Variants in PTPRR observed in about 807,000 individuals in gnomAD.
The protein encoded by PTPRR is protein tyrosine phosphatase receptor type R, also known as receptor-type tyrosine-protein phosphatase R.
In PTPRR, 38 loss-of-function variants were observed where a neutral mutation model predicts 77.2. That is an observed-to-expected ratio of 0.49 (90% CI 0.38 to 0.65). The LOEUF is 0.65. Ranked by LOEUF, PTPRR falls within the 30% of genes least tolerant of loss-of-function variation. PTPRR has a pLI of 0.00. For missense variants in PTPRR, 744 were observed against 799.2 expected (o/e 0.93, Z 0.83); for synonymous variants, 299 against 283.1 (o/e 1.06, Z -0.57).
intron 2 of PTPRR, among the ~76,000 whole-genome samples, chr12:70,850,774 G>A (rs1459201815): frequency 6.6e-6 from 1 of 152,158 alleles, no homozygotes; most frequent in Non-Finnish European, 1.5e-5. Flanking sequence ...CAGGCCCAAT[G>A]CAGAAAACAG....
chr12:70,838,366 AT>A (rs1892339973), intron 2 of PTPRR, among the ~76,000 whole-genome samples: 1 of 152,172 alleles, frequency 6.6e-6, no homozygotes, highest in African/African-American at 2.4e-5. Flanking sequence ...ACTGTTTAGC[AT>A]TAGTTTTATC....
intron 6 of PTPRR, among the ~76,000 whole-genome samples, chr12:70,726,476 C>A (rs909292803): frequency 6.6e-6 from 1 of 151,936 alleles, no homozygotes; most frequent in African/African-American, 2.4e-5. Flanking sequence ...AGTTTTGACT[C>A]TTATGAGTTA....
At chr12:70,844,856 T>C (rs921656385) in intron 2 of PTPRR, among the ~76,000 whole-genome samples, 9 of 152,134 alleles carry the variant, frequency 5.9e-5, no homozygotes, top group Admixed American at 5.9e-4. Flanking sequence ...AAAATACCAA[T>C]ATAGTATAAG....
chr12:70,785,123 A>G (rs1891295285), intron 2 of PTPRR, among the ~76,000 whole-genome samples: 1 of 152,218 alleles, frequency 6.6e-6, no homozygotes, highest in Non-Finnish European at 1.5e-5. Context: ...CCTTCACATT[A>G]TGGCTTCTGT....
intron 2 of PTPRR, among the ~76,000 whole-genome samples, chr12:70,833,721 C>G (rs535733300): frequency 6.6e-6 from 1 of 152,256 alleles, no homozygotes; most frequent in African/African-American, 2.4e-5. Flanking sequence ...AAGCGGGAAG[C>G]TCACCTTGTA....
chr12:70,917,437 C>T (rs1317041994), intron 1 of PTPRR, among the ~76,000 whole-genome samples: 1 of 152,120 alleles, frequency 6.6e-6, no homozygotes, highest in Non-Finnish European at 1.5e-5. Flanking sequence ...CATTTTCTCA[C>T]CTGTAAAATA....
intron 2 of PTPRR, among the ~76,000 whole-genome samples, chr12:70,765,993 C>T (rs1890812078): frequency 6.6e-6 from 1 of 152,106 alleles, no homozygotes; most frequent in Non-Finnish European, 1.5e-5. Context: ...GAAAGGACAT[C>T]CACACCAAAA....
chr12:70,875,194 T>A (rs574811963), intron 2 of PTPRR, among the ~76,000 whole-genome samples: 1 of 152,246 alleles, frequency 6.6e-6, no homozygotes, highest in South Asian at 2.1e-4. Flanking sequence ...TTTCCCTGGA[T>A]ATTACTGAGA....
intron 6 of PTPRR, among the ~76,000 whole-genome samples, chr12:70,738,322 G>C (rs1889939413): frequency 6.6e-6 from 1 of 152,052 alleles, no homozygotes; most frequent in African/African-American, 2.4e-5. Context: ...AACCCTTGGG[G>C]GCCTACTGAG....
intron 2 of PTPRR, among the ~76,000 whole-genome samples, chr12:70,811,802 G>T (rs887587366): frequency 6.6e-6 from 1 of 152,110 alleles, no homozygotes; most frequent in African/African-American, 2.4e-5. Flanking sequence ...ACTGGCCCAA[G>T]GTCAAATAGC....
At chr12:70,795,910 T>G (rs7302300) in intron 2 of PTPRR, among the ~76,000 whole-genome samples, 1 of 126,400 alleles carries the variant, frequency 7.9e-6, no homozygotes, top group African/African-American at 2.9e-5. Flanking sequence ...ATGTATTTAG[T>G]AGATTTTTTT....
intron 2 of PTPRR, among the ~76,000 whole-genome samples, chr12:70,860,513 T>C (rs758977125): frequency 8.4e-4 from 128 of 152,266 alleles, no homozygotes; most frequent in Middle Eastern, 3.4e-3. Context: ...TGTATTAGTA[T>C]GAAATAAACT....
intron 13 of PTPRR, among the ~76,000 whole-genome samples, chr12:70,641,671 A>C (rs148780836): frequency 1.3e-5 from 2 of 152,232 alleles, no homozygotes; most frequent in African/African-American, 4.8e-5. Context: ...AAAAACTGGC[A>C]TCAGAGGAAT....
intron 2 of PTPRR, among the ~76,000 whole-genome samples, chr12:70,765,612 C>A (rs1285101306): frequency 6.6e-6 from 1 of 152,202 alleles, no homozygotes; most frequent in Non-Finnish European, 1.5e-5. Context: ...ACAGCAGTAA[C>A]CTCTGCAGAC....
At chr12:70,689,954 G>T (rs1888000896) in intron 8 of PTPRR, among the ~76,000 whole-genome samples, 1 of 152,150 alleles carries the variant, frequency 6.6e-6, no homozygotes, top group Non-Finnish European at 1.5e-5. Flanking sequence ...TGCATTAGTT[G>T]CGGCCATGTG....
intron 5 of PTPRR, among the ~76,000 whole-genome samples, chr12:70,751,657 G>GCACTT: frequency 1.3e-5 from 2 of 152,078 alleles, no homozygotes; most frequent in South Asian, 4.2e-4. Context: ...CTTCTTCATA[G>GCACTT]CACTTATCAA....
intron 6 of PTPRR, among the ~76,000 whole-genome samples, chr12:70,734,264 CTAAT>C (rs1889786572): frequency 6.6e-6 from 1 of 152,112 alleles, no homozygotes; most frequent in South Asian, 2.1e-4. Flanking sequence ...AAGTGAAACT[CTAAT>C]TAATCACATG....
intron 5 of PTPRR, among the ~76,000 whole-genome samples, chr12:70,748,363 T>C (rs1182417711): frequency 6.6e-6 from 1 of 152,146 alleles, no homozygotes; most frequent in African/African-American, 2.4e-5. Flanking sequence ...GTGTCAGAGA[T>C]TTTTCTCTGC....
chr12:70,749,306 A>T (rs2136936928), intron 5 of PTPRR, among the ~76,000 whole-genome samples: 1 of 152,208 alleles, frequency 6.6e-6, no homozygotes, highest in South Asian at 2.1e-4. Context: ...ATATCCACCC[A>T]TTGCATGTTC....
Sources: gnomAD v4.1 joint callset for allele counts (sites outside exome capture counted in the v4.1 genomes callset) on GRCh38, gnomAD v4.1.1 for gene constraint, MANE v1.5 for transcripts, NCBI Gene and HGNC (gene_info 2026-07-23, HGNC 2026-07-21) for gene names.